CNTN6: variants seen among roughly 807,000 people sequenced by gnomAD.
CNTN6 encodes the protein contactin 6.
In CNTN6, 137 loss-of-function variants were observed where a neutral mutation model predicts 122.8. That is an observed-to-expected ratio of 1.12 (90% CI 0.97 to 1.29). CNTN6 has a LOEUF of 1.29. CNTN6 is among the 50% of genes most tolerant of loss of function. The pLI, the probability that CNTN6 is intolerant of heterozygous loss-of-function variation, is 0.00. For missense variants in CNTN6, 1,634 were observed against 1,223.4 expected (o/e 1.34, Z -5.01); for synonymous variants, 570 against 426.0 (o/e 1.34, Z -4.16).
intron 1 of CNTN6, among the ~76,000 whole-genome samples, chr3:1,128,692 T>C (rs2092247948): frequency 6.6e-6 from 1 of 151,986 alleles, no homozygotes; most frequent in South Asian, 2.1e-4. Context: ...TTCCTTTTCC[T>C]TTTGAGTGCC....
chr3:1,245,196 T>TGA (rs2094543951), intron 4 of CNTN6, among the ~76,000 whole-genome samples: 1 of 25,440 alleles, frequency 3.9e-5, no homozygotes, highest in South Asian at 2.5e-3. Flanking sequence ...AAAGAAAATG[T>TGA]GATATATATA....
chr3:1,231,462 G>A (rs1342112929), intron 4 of CNTN6, among the ~76,000 whole-genome samples: 2 of 152,140 alleles, frequency 1.3e-5, no homozygotes, highest in Non-Finnish European at 1.5e-5. Context: ...GATAATTGAT[G>A]GCTTTTGTTT....
intron 12 of CNTN6, among the ~76,000 whole-genome samples, chr3:1,368,500 T>C (rs966237945): frequency 1.3e-5 from 2 of 152,192 alleles, no homozygotes; most frequent in Admixed American, 6.5e-5. Context: ...TTCATAAAAG[T>C]TGCATCAGAG....
intron 2 of CNTN6, among the ~76,000 whole-genome samples, chr3:1,202,541 A>AG (rs2093896526): frequency 2.0e-5 from 2 of 97,906 alleles, no homozygotes; most frequent in African/African-American, 5.6e-5. Flanking sequence ...ACTCCGTCTC[A>AG]AAAAATAAAT....
chr3:1,279,130 G>A (rs184364107), intron 5 of CNTN6, among the ~76,000 whole-genome samples: 57 of 152,294 alleles, frequency 3.7e-4, no homozygotes, highest in African/African-American at 1.3e-3. Flanking sequence ...CACCAAATCA[G>A]AATGTCTCCT....
At chr3:1,275,163 T>C (rs1692105358) in intron 4 of CNTN6, among the ~76,000 whole-genome samples, 1 of 152,174 alleles carries the variant, frequency 6.6e-6, no homozygotes, top group Admixed American at 6.5e-5. Context: ...TTTATCTGTG[T>C]CCTGAATCGT....
chr3:1,155,364 A>T (rs1330851595), intron 2 of CNTN6, among the ~76,000 whole-genome samples: 1 of 152,222 alleles, frequency 6.6e-6, no homozygotes, highest in Non-Finnish European at 1.5e-5. Flanking sequence ...TAAGACCCCA[A>T]GACTGCTTAG....
chr3:1,278,830 A>G (rs1478278803), intron 5 of CNTN6, among the ~76,000 whole-genome samples: 1 of 152,154 alleles, frequency 6.6e-6, no homozygotes, highest in Non-Finnish European at 1.5e-5. Flanking sequence ...CAAGGGGACA[A>G]TTTATTTACC....
chr3:1,326,503 T>A (rs949906390), intron 9 of CNTN6, among the ~76,000 whole-genome samples: 1 of 151,856 alleles, frequency 6.6e-6, no homozygotes, highest in African/African-American at 2.4e-5. Context: ...CCCAGTATTT[T>A]GCTTTTATGA....
intron 1 of CNTN6, among the ~76,000 whole-genome samples, chr3:1,111,325 T>G (rs1442199531): frequency 6.6e-6 from 1 of 152,218 alleles, no homozygotes; most frequent in African/African-American, 2.4e-5. Context: ...TCAATTGATA[T>G]AGTTTCAGGC....
At chr3:1,134,981 G>A (rs769736217) in intron 1 of CNTN6, among the ~76,000 whole-genome samples, 1 of 151,894 alleles carries the variant, frequency 6.6e-6, no homozygotes, top group Middle Eastern at 3.2e-3. Flanking sequence ...ATCTCCTTTG[G>A]ATACAATTTG....
intron 2 of CNTN6, among the ~76,000 whole-genome samples, chr3:1,160,527 C>T (rs2093107148): frequency 6.6e-6 from 1 of 151,248 alleles, no homozygotes; most frequent in African/African-American, 2.4e-5. Flanking sequence ...GAATCTTTTA[C>T]AGCCTGCCTT....
At chr3:1,302,557 A>G (rs1411459834) in intron 7 of CNTN6, among the ~76,000 whole-genome samples, 1 of 152,120 alleles carries the variant, frequency 6.6e-6, no homozygotes, top group African/African-American at 2.4e-5. Context: ...AAATATAGAA[A>G]GACCAGCTCC....
At chr3:1,251,871 G>C (rs1326002739) in intron 4 of CNTN6, among the ~76,000 whole-genome samples, 1 of 152,072 alleles carries the variant, frequency 6.6e-6, no homozygotes, top group Non-Finnish European at 1.5e-5. Context: ...TTGATACTTA[G>C]TTCTGATTCA....
intron 12 of CNTN6, among the ~76,000 whole-genome samples, chr3:1,369,928 T>A (rs1708766182): frequency 6.6e-6 from 1 of 152,064 alleles, no homozygotes; most frequent in Non-Finnish European, 1.5e-5. Flanking sequence ...CAATTCTTCA[T>A]ACATTTTATT....
intron 2 of CNTN6, among the ~76,000 whole-genome samples, chr3:1,179,192 A>AC (rs1211623767): frequency 6.6e-6 from 1 of 152,042 alleles, no homozygotes; most frequent in African/African-American, 2.4e-5. Context: ...GTGAGAACTT[A>AC]CTCATTACCA....
intron 12 of CNTN6, among the ~76,000 whole-genome samples, chr3:1,352,707 T>C (rs1426300081): frequency 2.0e-5 from 3 of 151,844 alleles, no homozygotes; most frequent in Non-Finnish European, 4.4e-5. Context: ...ACCTAAATTA[T>C]TTGGCTTTTT....
chr3:1,157,887 A>G (rs1010835633), intron 2 of CNTN6, among the ~76,000 whole-genome samples: 2 of 152,264 alleles, frequency 1.3e-5, no homozygotes, highest in African/African-American at 2.4e-5. Flanking sequence ...TTCTTTATCA[A>G]TTTATCTGTT....
intron 5 of CNTN6, among the ~76,000 whole-genome samples, chr3:1,295,072 G>C (rs1461443372): frequency 6.6e-6 from 1 of 152,184 alleles, no homozygotes; most frequent in East Asian, 1.9e-4. Flanking sequence ...GGGCAACATA[G>C]TGAGACCCCA....
Sources: allele counts gnomAD v4.1 joint callset (sites outside exome capture counted in the v4.1 genomes callset), GRCh38; gene constraint gnomAD v4.1.1; transcripts MANE v1.5; gene names NCBI Gene and HGNC (gene_info 2026-07-23, HGNC 2026-07-21).